The following FDFT1 variants were observed in gnomAD, a reference collection of about 807,000 sequenced individuals.
FDFT1 encodes the protein squalene synthase.
Under a neutral mutation model 46.8 loss-of-function variants are expected in FDFT1, and 68 were observed. That is an observed-to-expected ratio of 1.45 (90% confidence interval 1.19 to 1.78). FDFT1 has a LOEUF of 1.78. Among genes scored for constraint, FDFT1 ranks in the 40% most tolerant of loss-of-function variants. FDFT1 has a pLI of 0.00. For missense variants in FDFT1, 928 were observed against 524.4 expected, an observed-to-expected ratio of 1.77 and a Z score of -7.52; for synonymous variants, 351 against 185.1, an observed-to-expected ratio of 1.90 and a Z score of -7.28.
At position 11,828,174 on chromosome 8, in the gene FDFT1, G is replaced by A. The variant is rs941953728; in HGVS notation, c.702+1959G>A. On this transcript the variant is annotated intron_variant, in intron 5 of 7. Coordinates refer to ENST00000220584, the MANE Select transcript of FDFT1 (RefSeq NM_004462.5). ...ATAGTGGCACACCCCTATAGTTCTC[G>A]CTCCTTGGGAGGTTGAGGCAGGAGG... is the stretch of plus-strand genomic sequence containing the variant. Among the ~76,000 whole-genome samples, 13 of 152,048 alleles carry A rather than the reference G, an allele frequency of 8.5e-5. No individual in the cohort carries two copies. The South Asian group carries it at 1.0e-3, about 12-fold the overall frequency.
chr8:11,820,783 C>T (rs1458519617), intron 3 of FDFT1, among the ~76,000 whole-genome samples: 2 of 152,206 alleles, frequency 1.3e-5, no homozygotes, highest in Non-Finnish European at 2.9e-5. Flanking sequence ...CACGCCTTTC[C>T]TTGGCTAGGA....
chr8:11,809,018 T>A, intron 2 of FDFT1, 127 bp downstream of exon 2: 3 of 1,422,666 alleles, frequency 2.1e-6, no homozygotes, highest in East Asian at 2.5e-5. Context: ...ATCCAGAACA[T>A]AGCCCGGCCC....
chr8:11,829,799 GTC>G (rs1177144091), intron 5 of FDFT1, among the ~76,000 whole-genome samples: 3 of 152,054 alleles, frequency 2.0e-5, no homozygotes, highest in Admixed American at 2.0e-4. Flanking sequence ...TGAAAGATGA[GTC>G]TGCAGCTAAG....
chr8:11,799,224 C>T (rs916511898), upstream of FDFT1, among the ~76,000 whole-genome samples: 1 of 152,194 alleles, frequency 6.6e-6, no homozygotes, highest in African/African-American at 2.4e-5. Flanking sequence ...CAGACCAGTC[C>T]ACGGTCGGCG....
chr8:11,804,564 A>G (rs1251683179), intron 1 of FDFT1, among the ~76,000 whole-genome samples: 1 of 151,380 alleles, frequency 6.6e-6, no homozygotes, highest in Non-Finnish European at 1.5e-5. Flanking sequence ...AATTGGAAAA[A>G]TACATTTCCC....
intron 3 of FDFT1, among the ~76,000 whole-genome samples, chr8:11,815,165 A>T (rs955300124): frequency 6.6e-6 from 1 of 152,158 alleles, no homozygotes; most frequent in Non-Finnish European, 1.5e-5. Flanking sequence ...GATGATTTCC[A>T]GCTTCATCCA....
At chr8:11,826,884 C>G (rs530057225) in intron 5 of FDFT1, among the ~76,000 whole-genome samples, 2 of 152,260 alleles carry the variant, frequency 1.3e-5, no homozygotes, top group South Asian at 2.1e-4. Flanking sequence ...CAGCTGAGTT[C>G]TCTGGCCTCG....
At chr8:11,827,760 G>C (rs1012891180) in intron 5 of FDFT1, among the ~76,000 whole-genome samples, 1 of 152,032 alleles carries the variant, frequency 6.6e-6, no homozygotes, top group Non-Finnish European at 1.5e-5. Flanking sequence ...ACTACTCTGG[G>C]GGCTGGGCAA....
chr8:11,825,039 G>A (rs1304852707), intron 4 of FDFT1, among the ~76,000 whole-genome samples: 10 of 152,148 alleles, frequency 6.6e-5, no homozygotes, highest in Non-Finnish European at 2.9e-5. Flanking sequence ...CCGGCTGAAT[G>A]TGCAGAGTTC....
intron 3 of FDFT1, among the ~76,000 whole-genome samples, chr8:11,820,886 C>G (rs1225161094): frequency 2.0e-5 from 3 of 152,232 alleles, no homozygotes; most frequent in African/African-American, 7.2e-5. Context: ...CACTGTCCAA[C>G]CAGTGCCAGT....
intron 3 of FDFT1, among the ~76,000 whole-genome samples, chr8:11,815,112 T>C (rs1808271514): frequency 6.6e-6 from 1 of 152,068 alleles, no homozygotes. Flanking sequence ...AGTGAGAACA[T>C]GTAGTGTTTG....
At chr8:11,827,951 C>G (rs1294008691) in intron 5 of FDFT1, among the ~76,000 whole-genome samples, 1 of 152,088 alleles carries the variant, frequency 6.6e-6, no homozygotes, top group African/African-American at 2.4e-5. Context: ...CCTATAATCC[C>G]AGCACTTTGG....
chr8:11,830,110 T>G, intron 5 of FDFT1, 134 bp from the exon 6 acceptor site: 1 of 727,390 alleles, frequency 1.4e-6, no homozygotes. Flanking sequence ...CCTCCCAAAG[T>G]GCTGGGATTA....
chr8:11,809,688 T>C lies in FDFT1; in HGVS notation c.219T>C (p.Tyr73=), dbSNP rs779132325. ...GEMRNAVCIF[Y]LVLRALDTLE... is the part of the protein sequence containing the mutation. Reference sequence around the variant, plus strand: ...ACAGCAACGCAGTGTGCATATTTTATCTGGTTCTCCGAGCTCTGGACACAC... The same window carrying C: ...ACAGCAACGCAGTGTGCATATTTTACCTGGTTCTCCGAGCTCTGGACACAC... The change falls in exon 3 of 8, where the codon TAT becomes TAC. Residue 73 remains tyrosine (Y), a synonymous_variant. Coordinates refer to ENST00000220584, the MANE Select transcript of FDFT1 (RefSeq NM_004462.5). 2 of 1,613,266 alleles carry C rather than the reference T, an allele frequency of 1.2e-6. No individual in the cohort carries two copies. Among genetic ancestry groups the C allele is most frequent in the Non-Finnish European group, 1.7e-6 (2 of 1,179,720 alleles).
At chr8:11,818,194 G>A (rs1399035979) in intron 3 of FDFT1, among the ~76,000 whole-genome samples, 1 of 152,170 alleles carries the variant, frequency 6.6e-6, no homozygotes, top group Non-Finnish European at 1.5e-5. Context: ...TTAATCCTGA[G>A]TTCTAATTTG....
intron 3 of FDFT1, among the ~76,000 whole-genome samples, chr8:11,816,149 G>T (rs1019857778): frequency 1.3e-5 from 2 of 152,122 alleles, no homozygotes; most frequent in Non-Finnish European, 2.9e-5. Context: ...GCTTGTTTTT[G>T]TCAGGTTTGT....
intron 3 of FDFT1, among the ~76,000 whole-genome samples, chr8:11,817,035 A>G (rs867553832): frequency 1.9e-4 from 29 of 152,168 alleles, no homozygotes; most frequent in Admixed American, 1.2e-3. Flanking sequence ...TTATTTTGAG[A>G]TGCGTTCCAT....
intron 3 of FDFT1, among the ~76,000 whole-genome samples, chr8:11,820,066 C>T (rs1379287630): frequency 1.3e-5 from 2 of 152,002 alleles, no homozygotes; most frequent in Non-Finnish European, 2.9e-5. Context: ...GATCCTATTC[C>T]TTTGTTTGTT....
At chr8:11,834,850 A>G (rs551283162) in intron 7 of FDFT1, among the ~76,000 whole-genome samples, 39 of 152,198 alleles carry the variant, frequency 2.6e-4, no homozygotes, top group Non-Finnish European at 4.6e-4. Context: ...CAAGCCTCGC[A>G]CTGTGGCTCA....
Sources: gnomAD v4.1 joint callset for allele counts (sites outside exome capture counted in the v4.1 genomes callset) on GRCh38, gnomAD v4.1.1 for gene constraint, MANE v1.5 for transcripts, NCBI Gene and HGNC (gene_info 2026-07-23, HGNC 2026-07-21) for gene names.